Variants in PLEKHA1 observed in about 807,000 individuals in gnomAD.
PLEKHA1 encodes the protein pleckstrin homology domain-containing family A member 1.
PLEKHA1 carries 34 observed loss-of-function variants against 52.0 expected under a neutral mutation model. The observed-to-expected ratio is 0.65, with a 90% CI of 0.50 to 0.87. PLEKHA1 has a LOEUF of 0.87. Ranked by LOEUF, PLEKHA1 falls within the 40% of genes least tolerant of loss-of-function variation. The pLI is 0.00. For synonymous variants in PLEKHA1, 163 were observed against 170.7 expected, an observed-to-expected ratio of 0.95 and a Z score of 0.35; for missense variants, 497 against 504.2, an observed-to-expected ratio of 0.99 and a Z score of 0.14.
the PLEKHA1 span, chr10:122,438,763 G>GT: frequency 6.6e-6 from 1 of 152,264 alleles, no homozygotes; most frequent in African/African-American, 2.4e-5. Context: ...AAAGCCTCTA[G>GT]TGCAGGCATG....
At chr10:122,395,277 T>A (rs5013920) in intron 2 of PLEKHA1, among the ~76,000 whole-genome samples, 72,645 of 151,934 alleles carry the variant, frequency 0.48, 17,990 homozygotes, top group East Asian at 0.62. Context: ...GTGCCAGTTT[T>A]TTTTTTAAGT....
Position 122,400,511 on chromosome 10 carries a change from C to T in PLEKHA1, c.244+123C>T, listed in dbSNP as rs556394450. The T allele has an allele frequency of 4.1e-5, 34 of 831,996 alleles. No homozygotes were observed. In the African/African-American group the frequency reaches 4.8e-4, roughly 12 times the overall value. The allele number at this position is 831,996 out of a possible 1,614,324, so 51.5% of individuals were successfully genotyped here. On this transcript the variant is annotated intron_variant, in intron 4 of 11. Transcript: ENST00000368990. Reference sequence around the variant, plus strand: ...TAATGAATTATTCTAAAGTGAATTCCCTTGTAACTGCTATACAGATAAGGA... The same window carrying T: ...TAATGAATTATTCTAAAGTGAATTCTCTTGTAACTGCTATACAGATAAGGA...
intron 1 of PLEKHA1, among the ~76,000 whole-genome samples, chr10:122,386,307 A>AT (rs1191435977): frequency 1.7e-4 from 2 of 12,028 alleles, no homozygotes; most frequent in African/African-American, 3.3e-4. Flanking sequence ...GTGTGTTCCA[A>AT]GTTTTTTTTT....
chr10:122,388,560 G>A, intron 1 of PLEKHA1, among the ~76,000 whole-genome samples: 1 of 152,196 alleles, frequency 6.6e-6, no homozygotes, highest in Non-Finnish European at 1.5e-5. Flanking sequence ...TGTTGCAATA[G>A]AATGAATCAC....
At chr10:122,397,702 G>A (rs1308954694) in intron 2 of PLEKHA1, among the ~76,000 whole-genome samples, 1 of 152,018 alleles carries the variant, frequency 6.6e-6, no homozygotes. Flanking sequence ...GTCATAGAAT[G>A]CATGATAATG....
chr10:122,426,027 G>A (rs914079679), intron 10 of PLEKHA1, among the ~76,000 whole-genome samples: 2 of 152,084 alleles, frequency 1.3e-5, no homozygotes, highest in Non-Finnish European at 2.9e-5. Context: ...CTCCATTGAT[G>A]TTCCACCAGT....
chr10:122,377,075 TTGTAACC>T (rs2096548940), intron 1 of PLEKHA1, among the ~76,000 whole-genome samples: 1 of 152,234 alleles, frequency 6.6e-6, no homozygotes, highest in Non-Finnish European at 1.5e-5. Flanking sequence ...GTGTGATAAT[TTGTAACC>T]CAGAATGAAA....
chr10:122,379,345 G>A (rs1487460572), intron 1 of PLEKHA1, among the ~76,000 whole-genome samples: 1 of 152,202 alleles, frequency 6.6e-6, no homozygotes, highest in East Asian at 1.9e-4. Context: ...GTCGAATAGT[G>A]GCATACAGAC....
At chr10:122,385,698 G>A (rs768931982) in intron 1 of PLEKHA1, among the ~76,000 whole-genome samples, 2 of 152,148 alleles carry the variant, frequency 1.3e-5, no homozygotes, top group African/African-American at 2.4e-5. Context: ...CCTTTTTACG[G>A]TAGAGCAGTA....
At chr10:122,425,039 C>A in intron 10 of PLEKHA1, 80 bp downstream of exon 10, 2 of 1,284,200 alleles carry the variant, frequency 1.6e-6, no homozygotes, top group Non-Finnish European at 2.2e-6. Context: ...CATAAACAAG[C>A]TTGTTGCACT....
At chr10:122,397,820 T>TG in intron 2 of PLEKHA1, 98 bp from the exon 3 acceptor site, 1 of 931,686 alleles carries the variant, frequency 1.1e-6, no homozygotes, top group Non-Finnish European at 1.6e-6. Flanking sequence ...TATTAAAAAA[T>TG]TGAGTTTTTA....
At chr10:122,400,225 G>C in intron 3 of PLEKHA1, 118 bp from the exon 4 acceptor site, 1 of 732,146 alleles carries the variant, frequency 1.4e-6, no homozygotes, top group Non-Finnish European at 2.1e-6. Flanking sequence ...TTTTAAGTCT[G>C]TTTACTAAAT....
chr10:122,425,072 C>A, intron 10 of PLEKHA1, 113 bp downstream of exon 10: 2 of 866,342 alleles, frequency 2.3e-6, no homozygotes, highest in Non-Finnish European at 3.5e-6. Flanking sequence ...AATATGACAA[C>A]TGTAATTCAC....
chr10:122,404,952 C>T (rs1206147594), intron 4 of PLEKHA1, among the ~76,000 whole-genome samples: 1 of 152,060 alleles, frequency 6.6e-6, no homozygotes, highest in African/African-American at 2.4e-5. Flanking sequence ...TTGGTGGAGA[C>T]GTTTGGAAGT....
the PLEKHA1 span, chr10:122,439,389 T>TG: frequency 7.5e-6 from 1 of 133,576 alleles, no homozygotes; most frequent in African/African-American, 3.1e-5. Context: ...ACTTGAAAGG[T>TG]TTTTTTTTTT....
chr10:122,382,964 A>G (rs1280509889), intron 1 of PLEKHA1, among the ~76,000 whole-genome samples: 1 of 152,212 alleles, frequency 6.6e-6, no homozygotes. Context: ...TTCACCCAGT[A>G]GGGTTTTACC....
intron 11 of PLEKHA1, among the ~76,000 whole-genome samples, chr10:122,429,408 T>C (rs1379337142): frequency 6.6e-6 from 1 of 152,196 alleles, no homozygotes; most frequent in Non-Finnish European, 1.5e-5. Context: ...GGTTTTTGGC[T>C]ATCATTGCTT....
chr10:122,424,838 T>A, intron 9 of PLEKHA1, 58 bp from the exon 10 acceptor site: 1 of 1,459,162 alleles, frequency 6.9e-7, no homozygotes, highest in Non-Finnish European at 9.5e-7. Context: ...GGTAAACAAA[T>A]GAAAGAGAAA....
chr10:122,396,423 A>G (rs953971157), intron 2 of PLEKHA1, among the ~76,000 whole-genome samples: 1 of 152,132 alleles, frequency 6.6e-6, no homozygotes, highest in Admixed American at 6.5e-5. Flanking sequence ...TTAATGAATT[A>G]TAATTTTATT....
Sources: allele counts gnomAD v4.1 joint callset (sites outside exome capture counted in the v4.1 genomes callset), GRCh38; gene constraint gnomAD v4.1.1; transcripts MANE v1.5; gene names NCBI Gene and HGNC (gene_info 2026-07-23, HGNC 2026-07-21).